Variants in AFAP1L2 observed in about 807,000 individuals in gnomAD.
The protein encoded by AFAP1L2 is actin filament associated protein 1 like 2.
In AFAP1L2, 46 loss-of-function variants were observed where a neutral mutation model predicts 99.3. That is an observed-to-expected ratio of 0.46 (90% confidence interval 0.37 to 0.59). The LOEUF is 0.59. AFAP1L2 is among the 20% of genes least tolerant of loss of function. The pLI, the probability that AFAP1L2 is intolerant of heterozygous loss-of-function variation, is 0.00. For missense variants in AFAP1L2, 959 were observed against 1,034.9 expected (o/e 0.93, Z 1.01); for synonymous variants, 397 against 419.1 (o/e 0.95, Z 0.64).
At chr10:114,326,641 CAG>C (rs777710489) in intron 4 of AFAP1L2, among the ~76,000 whole-genome samples, 5 of 152,200 alleles carry the variant, frequency 3.3e-5, no homozygotes, top group African/African-American at 9.6e-5. Context: ...GCTCACTATG[CAG>C]AGACAGTGCA....
chr10:114,376,096 G>T (rs2054760977), intron 1 of AFAP1L2, among the ~76,000 whole-genome samples: 1 of 152,116 alleles, frequency 6.6e-6, no homozygotes, highest in African/African-American at 2.4e-5. Flanking sequence ...AATTTACATG[G>T]CCAGTTGTAC....
At chr10:114,399,797 C>G (rs2138402444) in intron 1 of AFAP1L2, among the ~76,000 whole-genome samples, 1 of 152,322 alleles carries the variant, frequency 6.6e-6, no homozygotes, top group South Asian at 2.1e-4. Context: ...CCTAAACTGA[C>G]CTTTGCTGGG....
At chr10:114,369,268 G>A (rs1307932072) in intron 1 of AFAP1L2, among the ~76,000 whole-genome samples, 1 of 152,110 alleles carries the variant, frequency 6.6e-6, no homozygotes, top group Non-Finnish European at 1.5e-5. Context: ...ATCAGCCCTG[G>A]CAACATAGTG....
downstream of AFAP1L2, chr10:114,290,470 T>G: frequency 6.9e-7 from 1 of 1,458,852 alleles, no homozygotes; most frequent in Non-Finnish European, 9.2e-7. Context: ...ATTCGTTCAG[T>G]GGAAGAAATT....
chr10:114,306,521 G>A (rs1201795890), intron 10 of AFAP1L2, among the ~76,000 whole-genome samples: 1 of 152,000 alleles, frequency 6.6e-6, no homozygotes, highest in East Asian at 1.9e-4. Context: ...GCTGAACCAG[G>A]CAATAGCGTG....
the AFAP1L2 span, among the ~76,000 whole-genome samples, chr10:114,286,943 T>C: frequency 1.3e-5 from 2 of 152,174 alleles, no homozygotes; most frequent in African/African-American, 4.8e-5. Context: ...TATGCACACA[T>C]ACACACACGG....
chr10:114,298,956 AT>A (rs2040683806), intron 16 of AFAP1L2, among the ~76,000 whole-genome samples: 2 of 152,250 alleles, frequency 1.3e-5, no homozygotes. Context: ...AGGAATATGC[AT>A]TTAAGTGACA....
intron 11 of AFAP1L2, among the ~76,000 whole-genome samples, chr10:114,302,823 T>TAATA (rs1470367229): frequency 1.3e-5 from 2 of 152,146 alleles, no homozygotes; most frequent in Non-Finnish European, 2.9e-5. Flanking sequence ...ACCTGTTAAT[T>TAATA]AATAGTTTTT....
At chr10:114,303,379 C>A (rs977310789) in intron 11 of AFAP1L2, among the ~76,000 whole-genome samples, 1 of 152,312 alleles carries the variant, frequency 6.6e-6, no homozygotes, top group East Asian at 1.9e-4. Flanking sequence ...GGGATCTTGG[C>A]TCACTGTAGC....
At chr10:114,317,507 A>G (rs957517253) in intron 5 of AFAP1L2, among the ~76,000 whole-genome samples, 8 of 152,158 alleles carry the variant, frequency 5.3e-5, no homozygotes, top group Admixed American at 5.2e-4. Flanking sequence ...AAAAACACCC[A>G]TACTCTTTGA....
chr10:114,387,026 A>G (rs1053984089), intron 1 of AFAP1L2, among the ~76,000 whole-genome samples: 5 of 152,198 alleles, frequency 3.3e-5, no homozygotes, highest in Non-Finnish European at 7.3e-5. Context: ...CTCGTCAGCC[A>G]ATCCCAAACA....
intron 4 of AFAP1L2, among the ~76,000 whole-genome samples, chr10:114,328,530 AC>A (rs1372281172): frequency 6.6e-6 from 1 of 152,170 alleles, no homozygotes; most frequent in African/African-American, 2.4e-5. Context: ...CCTGAGCTGG[AC>A]AGTGACTCAG....
chr10:114,289,139 G>A, the AFAP1L2 span: 37 of 1,613,914 alleles, frequency 2.3e-5, 1 homozygote, highest in East Asian at 1.6e-4. Flanking sequence ...AAACCCACCC[G>A]GGCTGCGATG....
Position 114,377,987 on chromosome 10 carries a change from C to T in AFAP1L2, c.16+26453G>A, listed in dbSNP as rs1233026496. Among the ~76,000 whole-genome samples, 1 of 152,122 alleles carries T rather than the reference C, an allele frequency of 6.6e-6. No homozygotes were observed. Among genetic ancestry groups the T allele is most frequent in the East Asian group, 1.9e-4 (1 of 5,192 alleles). ...GTGCCACCCCTACGATAGGCTGTGT[C>T]GCTATTTGCCGTAAAGCCTCCCAGG... On this transcript the variant is annotated intron_variant, in intron 1 of 18. Coordinates refer to ENST00000304129, the MANE Select transcript of AFAP1L2 (RefSeq NM_001001936.3). The surrounding 1 kb of genome is among the most constrained non-coding windows in gnomAD (Gnocchi z 4.0).
intron 1 of AFAP1L2, among the ~76,000 whole-genome samples, chr10:114,367,314 A>G (rs655844): frequency 0.99 from 151,421 of 152,342 alleles, 75,258 homozygotes; most frequent in East Asian, 1. Flanking sequence ...ATTTAGATTT[A>G]TATCAGGCCA....
intron 1 of AFAP1L2, among the ~76,000 whole-genome samples, chr10:114,365,034 A>G (rs1190614718): frequency 6.6e-6 from 1 of 152,234 alleles, no homozygotes; most frequent in Non-Finnish European, 1.5e-5. Flanking sequence ...GTGCTAAGTC[A>G]TTGGTTCAAG....
In AFAP1L2 at chr10:114,377,534, G is replaced by A. The variant is rs762701649; in HGVS notation, c.16+26906C>T. On this transcript the variant is annotated intron_variant, in intron 1 of 18. Coordinates refer to ENST00000304129, the MANE Select transcript of AFAP1L2 (RefSeq NM_001001936.3). The surrounding 1 kb of genome is among the most constrained non-coding windows in gnomAD (Gnocchi z 4.0). ...CATATGCCATATGTACTTAATCAAG[G>A]GAGTATAACTTAGGCATCAGTGGTC... is the stretch of plus-strand genomic sequence containing the variant. Among the ~76,000 whole-genome samples the A allele has an allele frequency of 2.0e-5, 3 of 152,166 alleles. No individual in the cohort carries two copies. Among genetic ancestry groups the A allele is most frequent in the Non-Finnish European group, 2.9e-5 (2 of 68,038 alleles).
chr10:114,349,696 T>G (rs577886163), intron 1 of AFAP1L2, among the ~76,000 whole-genome samples: 125 of 152,168 alleles, frequency 8.2e-4, no homozygotes, highest in African/African-American at 2.8e-3. Context: ...CAAAGCAGAC[T>G]GTAGTCATTT....
rs79311470 is a variant in AFAP1L2, at chr10:114,371,092, C to T, written c.17-30361G>A. Among the ~76,000 whole-genome samples, 91 of 152,318 alleles carry T rather than the reference C, an allele frequency of 6.0e-4. No homozygotes were observed. The Middle Eastern group carries it at 0.01, about 17-fold the overall frequency. On this transcript the variant is annotated intron_variant, in intron 1 of 18. Transcript: ENST00000304129. ...AGGCTGGTGTCCACTGGGCCACCTA[C>T]GGGACCCATGGAGAGGACACTCCGT... is the stretch of plus-strand genomic sequence containing the variant.
Sources: allele counts gnomAD v4.1 joint callset (sites outside exome capture counted in the v4.1 genomes callset), GRCh38; gene constraint gnomAD v4.1.1; non-coding constraint Gnocchi (gnomAD v3.1); transcripts MANE v1.5; gene names NCBI Gene and HGNC (gene_info 2026-07-23, HGNC 2026-07-21).